NEB: variants seen among roughly 807,000 people sequenced by gnomAD.
NEB encodes the protein nebulin.
Under a neutral mutation model 952.2 loss-of-function variants are expected in NEB, and 512 were observed. That is an observed-to-expected ratio of 0.54 (90% confidence interval 0.50 to 0.58). NEB has a LOEUF of 0.58. Among genes scored for constraint, NEB ranks in the 20% least tolerant of loss-of-function variants. NEB has a pLI of 0.00. For missense variants in NEB, 8,428 were observed against 9,231.1 expected (o/e 0.91, Z 3.56); for synonymous variants, 2,900 against 3,149.8 (o/e 0.92, Z 2.66).
At position 151,545,211 on chromosome 2, in the gene NEB, C is replaced by G. The variant is rs189799843; in HGVS notation, c.20577+677G>C. Among the ~76,000 whole-genome samples, 313 of 152,244 alleles carry G rather than the reference C, an allele frequency of 2.1e-3. 3 individuals are homozygous for G. In the South Asian group the frequency reaches 0.03, roughly 15 times the overall value. ...CAATGGCACTGCCATGCTCGGGGCT[C>G]CTGATAGCAGGAATTAAAGAGAAAG... is the stretch of plus-strand genomic sequence containing the variant. On this transcript the variant is annotated intron_variant, in intron 135 of 181. Coordinates refer to ENST00000397345, the MANE Select transcript of NEB (RefSeq NM_001164508.2).
chr2:151,704,722 G>A (rs562919926), intron 13 of NEB, among the ~76,000 whole-genome samples: 1 of 152,130 alleles, frequency 6.6e-6, no homozygotes, highest in African/African-American at 2.4e-5. Flanking sequence ...TTCGGCTCAC[G>A]CACAGTGCGA....
At chr2:151,681,075 C>T (rs567088469) in intron 29 of NEB, among the ~76,000 whole-genome samples, 1 of 152,274 alleles carries the variant, frequency 6.6e-6, no homozygotes, top group South Asian at 2.1e-4. Flanking sequence ...CAGACAGACT[C>T]CTTTCTTAAT....
At chr2:151,565,370 C>A (rs530959473) in intron 116 of NEB, 131 bp downstream of exon 116, 27 of 746,154 alleles carry the variant, frequency 3.6e-5, no homozygotes, top group Non-Finnish European at 5.6e-5. Flanking sequence ...ACATACCCCC[C>A]AAAGATGATC....
At position 151,518,410 on chromosome 2, in the gene NEB, T is replaced by C. The variant is rs1369239753; in HGVS notation, c.22708A>G (p.Lys7570Glu). Residue 7570 changes from lysine to glutamate, a missense_variant, in exon 156 of 182, where the codon AAG (lysine) becomes GAG (glutamate). Transcript: ENST00000397345. ...TGGCCTTTACTCTTCTCATACTTCT[T>C]CTTGTACTGGTACTGAGGGGAAGGC... ...SQLASSYQYK[K>E]KYEKSKGHYH... 4 of 1,604,488 alleles carry C rather than the reference T, an allele frequency of 2.5e-6. No homozygotes were observed. In the African/African-American group the frequency reaches 4.0e-5, roughly 16 times the overall value.
chr2:151,561,598 C>CT (rs112384270), intron 121 of NEB, among the ~76,000 whole-genome samples: 52 of 141,830 alleles, frequency 3.7e-4, no homozygotes, highest in Admixed American at 7.1e-4. Context: ...GTTTCGAACA[C>CT]TTTTTTTTTT....
chr2:151,577,572 G>A (rs1239233892), intron 105 of NEB, among the ~76,000 whole-genome samples: 1 of 151,998 alleles, frequency 6.6e-6, no homozygotes, highest in African/African-American at 2.4e-5. Context: ...CTAAAGTCAG[G>A]AGCTGTCATG....
intron 70 of NEB, 60 bp downstream of exon 70, chr2:151,626,942 C>A: frequency 6.4e-7 from 1 of 1,568,688 alleles, no homozygotes; most frequent in South Asian, 1.1e-5. Flanking sequence ...ACTTAATTAA[C>A]AATAGGTATC....
chr2:151,637,995 C>T (rs908171608), intron 63 of NEB, among the ~76,000 whole-genome samples: 4 of 152,136 alleles, frequency 2.6e-5, no homozygotes, highest in African/African-American at 9.7e-5. Flanking sequence ...GGCACAAAGC[C>T]AGGTGAAATA....
chr2:151,716,130 CT>C (rs762939015), intron 10 of NEB: 6,372 of 343,782 alleles, frequency 0.019, 1 homozygote, highest in South Asian at 0.028. Context: ...CACTTTCTTT[CT>C]TTTTTTTTTT....
rs2099755602 is a variant in NEB, at chr2:151,715,109, GT to G, written c.822+2306del. On this transcript the variant is annotated intron_variant, in intron 10 of 181. Transcript: ENST00000397345. Reference sequence around the variant, plus strand: ...ATTATTACTCCACAGGGCAAAGCCAGTTCTGGCAATGCTTTCAAAGTACCCA... The same window carrying G: ...ATTATTACTCCACAGGGCAAAGCCAGTCTGGCAATGCTTTCAAAGTACCCA... Among the ~76,000 whole-genome samples, 6 of 152,356 alleles carry G rather than the reference GT, an allele frequency of 3.9e-5. No individual in the cohort carries two copies. The South Asian group carries it at 1.2e-3, about 32-fold the overall frequency.
intron 38 of NEB, among the ~76,000 whole-genome samples, chr2:151,669,788 T>C (rs1051128123): frequency 2.0e-5 from 3 of 152,142 alleles, no homozygotes; most frequent in Non-Finnish European, 4.4e-5. Flanking sequence ...AAGAGGGACA[T>C]GATTTGATTC....
chr2:151,690,970 T>C, intron 23 of NEB, 145 bp from the exon 24 acceptor site: 1 of 643,112 alleles, frequency 1.6e-6, no homozygotes, highest in Non-Finnish European at 2.8e-6. Flanking sequence ...CTTCTCTGTC[T>C]GTCTCTCTCT....
At chr2:151,637,595 G>A (rs1011467886) in intron 63 of NEB, among the ~76,000 whole-genome samples, 5 of 152,164 alleles carry the variant, frequency 3.3e-5, no homozygotes, top group African/African-American at 1.2e-4. Context: ...AAGGGCACCT[G>A]GGCCTCCTGG....
intron 46 of NEB, 67 bp from the exon 47 acceptor site, chr2:151,659,236 C>A: frequency 1.2e-6 from 1 of 866,840 alleles, no homozygotes; most frequent in South Asian, 1.6e-5. Context: ...ACATACATAT[C>A]ATTGTACATA....
chr2:151,490,532 A>G lies in NEB; in HGVS notation c.25151-14T>C. ...GCTGAGCTTGGACTGGGAGAGATGC[A>G]GTTGGGGGAGATGTAGCAAACATGA... On this transcript the variant is annotated splice_polypyrimidine_tract_variant and intron_variant, in intron 179 of 181. Transcript: ENST00000397345. 6.2e-7 allele frequency: 1 copy of G among 1,606,266 alleles called. No individual in the cohort carries two copies. The highest frequency in any genetic ancestry group is 1.1e-5 in the South Asian group (1 of 89,096).
chr2:151,561,117 A>G lies in NEB; in HGVS notation c.19102-9T>C, dbSNP rs1357577227. ...TTTTCTTTATATTTTACCTGTAGAC[A>G]AGCAACAATAGGTTATTCACCTCTG... is the stretch of plus-strand genomic sequence containing the variant. On this transcript the variant is annotated splice_polypyrimidine_tract_variant and intron_variant, in intron 122 of 181. Coordinates refer to ENST00000397345, the MANE Select transcript of NEB (RefSeq NM_001164508.2). 3 of 1,565,732 alleles carry G rather than the reference A, an allele frequency of 1.9e-6. No individual in the cohort carries two copies. Among genetic ancestry groups the G allele is most frequent in the Non-Finnish European group, 2.6e-6 (3 of 1,142,564 alleles).
At position 151,497,658 on chromosome 2, in the gene NEB, T is replaced by G; in HGVS notation, c.24268A>C (p.Arg8090=). The part of the protein sequence containing the change: ...TPLPVTPEME[R]VKHNQENISS... ...ATATTTTCTTGATTGTGTTTGACTC[T>G]TTCCATCTCGGGAGTGACAGGTAAA... Residue 8090 remains arginine, a synonymous_variant, in exon 171 of 182, where the codon AGA becomes CGA. Transcript: ENST00000397345. 4 of 1,584,382 alleles carry G rather than the reference T, an allele frequency of 2.5e-6. No homozygotes were observed. The highest frequency in any genetic ancestry group is 1.3e-5 in the African/African-American group (1 of 74,686).
At chr2:151,540,666 C>T (rs373922594) in intron 137 of NEB, 31 bp downstream of exon 137, 12 of 1,572,066 alleles carry the variant, frequency 7.6e-6, no homozygotes, top group Non-Finnish European at 9.6e-6. Context: ...TTCTTTTTAC[C>T]CAGTGCCTCA....
chr2:151,695,683 C>G lies in NEB; in HGVS notation c.1570-1G>C, dbSNP rs1390328608. Reference sequence around the variant, plus strand: ...TTTCATGTTTTGCTTTGTAATTTAACTATGACAGAGAGAGAACCAATTAGT... The same window carrying G: ...TTTCATGTTTTGCTTTGTAATTTAAGTATGACAGAGAGAGAACCAATTAGT... On this transcript the variant is annotated splice_acceptor_variant, in intron 17 of 181. Coordinates refer to ENST00000397345, the MANE Select transcript of NEB (RefSeq NM_001164508.2). LOFTEE classifies it high-confidence loss of function. The G allele has an allele frequency of 6.2e-7, 1 of 1,605,520 alleles. No homozygotes were observed. The highest frequency in any genetic ancestry group is 8.5e-7 in the Non-Finnish European group (1 of 1,172,776).
Sources: allele counts gnomAD v4.1 joint callset (sites outside exome capture counted in the v4.1 genomes callset), GRCh38; gene constraint gnomAD v4.1.1; transcripts MANE v1.5; gene names NCBI Gene and HGNC (gene_info 2026-07-23, HGNC 2026-07-21).